PLCE1: variants seen among roughly 807,000 people sequenced by gnomAD.
The protein encoded by PLCE1 is 1-phosphatidylinositol 4,5-bisphosphate phosphodiesterase epsilon-1.
Under a neutral mutation model 242.8 loss-of-function variants are expected in PLCE1, and 119 were observed. The observed-to-expected ratio is 0.49, with a 90% confidence interval of 0.42 to 0.57. The LOEUF (loss-of-function observed/expected upper bound fraction) is 0.57, where lower values mean the gene tolerates loss of function less well. Among genes scored for constraint, PLCE1 ranks in the 20% least tolerant of loss-of-function variants. The probability of loss-of-function intolerance (pLI) is 0.00; values close to 1 mark genes in which losing one functional copy is unlikely to be tolerated. For synonymous variants in PLCE1, 945 were observed against 1,017.4 expected, an observed-to-expected ratio of 0.93 and a Z score of 1.35; for missense variants, 2,441 against 2,788.8, an observed-to-expected ratio of 0.88 and a Z score of 2.81.
chr10:94,058,778 A>G (rs1394959865), intron 2 of PLCE1, among the ~76,000 whole-genome samples: 2 of 152,214 alleles, frequency 1.3e-5, no homozygotes, highest in African/African-American at 4.8e-5. Flanking sequence ...TTCTAACATT[A>G]TGGCATTCTA....
At chr10:94,068,365 C>T (rs1270687990) in intron 2 of PLCE1, among the ~76,000 whole-genome samples, 1 of 151,458 alleles carries the variant, frequency 6.6e-6, no homozygotes, top group Admixed American at 6.6e-5. Context: ...CAAGCAATCA[C>T]AAATAGAAAA....
intron 3 of PLCE1, among the ~76,000 whole-genome samples, chr10:94,141,673 GAAA>G (rs1564727686): frequency 2.3e-5 from 1 of 43,266 alleles, no homozygotes; most frequent in Admixed American, 1.9e-4. Flanking sequence ...AGGGAGGGAG[GAAA>G]GAAAGAAGGA....
chr10:94,094,400 G>T (rs1564681455), intron 2 of PLCE1, among the ~76,000 whole-genome samples: 7 of 152,226 alleles, frequency 4.6e-5, no homozygotes, highest in Admixed American at 1.3e-4. Flanking sequence ...TTTCCTAGAG[G>T]CAAAATTGCC....
intron 3 of PLCE1, among the ~76,000 whole-genome samples, chr10:94,146,444 C>T (rs933700383): frequency 1.3e-5 from 2 of 152,168 alleles, no homozygotes; most frequent in Non-Finnish European, 2.9e-5. Context: ...TGCTGCTAAA[C>T]TCCTCCCCTG....
intron 2 of PLCE1, among the ~76,000 whole-genome samples, chr10:94,060,198 G>C (rs544260711): frequency 4.2e-4 from 63 of 151,508 alleles, no homozygotes; most frequent in African/African-American, 1.5e-3. Context: ...CTAAGCTTCT[G>C]CTCTTTAAGC....
At chr10:94,253,305 G>A (rs117120276) in intron 9 of PLCE1, among the ~76,000 whole-genome samples, 3 of 152,224 alleles carry the variant, frequency 2.0e-5, no homozygotes, top group East Asian at 1.9e-4. Flanking sequence ...GGGAGCCAGC[G>A]CATGACATGG....
chr10:94,228,455 G>A (rs1302652993), intron 5 of PLCE1, among the ~76,000 whole-genome samples: 3 of 152,102 alleles, frequency 2.0e-5, no homozygotes, highest in Non-Finnish European at 4.4e-5. Flanking sequence ...ACATCTTTAG[G>A]TAGAATTCAG....
At chr10:94,291,590 G>T (rs1199301287) in intron 22 of PLCE1, among the ~76,000 whole-genome samples, 1 of 151,990 alleles carries the variant, frequency 6.6e-6, no homozygotes, top group Non-Finnish European at 1.5e-5. Context: ...TGTAAAAGGG[G>T]TGTAACAGTC....
At chr10:94,309,493 G>T (rs1167312385) in intron 27 of PLCE1, among the ~76,000 whole-genome samples, 1 of 152,134 alleles carries the variant, frequency 6.6e-6, no homozygotes, top group East Asian at 2.0e-4. Flanking sequence ...ACTATGCCCA[G>T]ATAATGTTTT....
intron 19 of PLCE1, among the ~76,000 whole-genome samples, chr10:94,275,797 T>C (rs1400340942): frequency 6.6e-6 from 1 of 151,574 alleles, no homozygotes; most frequent in African/African-American, 2.4e-5. Flanking sequence ...GTTGTGCCAC[T>C]GCATACCAGT....
intron 2 of PLCE1, among the ~76,000 whole-genome samples, chr10:94,101,513 C>A (rs1013304482): frequency 1.3e-5 from 2 of 152,072 alleles, no homozygotes; most frequent in Non-Finnish European, 2.9e-5. Context: ...GAGTTACCAA[C>A]AAACAAGAAA....
chr10:94,189,565 G>GA (rs1454880800), intron 4 of PLCE1, among the ~76,000 whole-genome samples: 1 of 152,154 alleles, frequency 6.6e-6, no homozygotes, highest in Non-Finnish European at 1.5e-5. Context: ...GATCATGCAT[G>GA]ATGGACTGAA....
intron 3 of PLCE1, among the ~76,000 whole-genome samples, chr10:94,150,911 A>C (rs2047254496): frequency 6.6e-6 from 1 of 152,180 alleles, no homozygotes. Context: ...AGCTGGCAGC[A>C]GTCTAGTGGG....
At chr10:94,076,241 T>C (rs527645179) in intron 2 of PLCE1, among the ~76,000 whole-genome samples, 31 of 152,128 alleles carry the variant, frequency 2.0e-4, no homozygotes, top group Admixed American at 7.2e-4. Context: ...GATATCCTTA[T>C]TAGAGAGAAG....
chr10:94,054,249 G>C (rs750464755), intron 2 of PLCE1, among the ~76,000 whole-genome samples: 1 of 152,184 alleles, frequency 6.6e-6, no homozygotes, highest in Non-Finnish European at 1.5e-5. Context: ...AGACTGGTTA[G>C]CTATTTAACC....
In PLCE1 at chr10:94,290,699, G is replaced by GTA. The variant is rs139733748; in HGVS notation, c.5036-2796_5036-2795dup. 2.5e-3 allele frequency among the ~76,000 whole-genome samples: 380 copies of GTA among 149,734 alleles called. 1 individual carries two copies. The highest frequency in any genetic ancestry group is 8.4e-3 in the African/African-American group (343 of 40,878). On this transcript the variant is annotated intron_variant, in intron 22 of 32. Transcript: ENST00000371380. ...ATATATATATGTAACTTAAAAAAAA[G>GTA]TATATATATATATACACACACACAT...
At chr10:94,313,194 A>G in intron 27 of PLCE1, 60 bp from the exon 28 acceptor site, 1 of 1,601,330 alleles carries the variant, frequency 6.2e-7, no homozygotes, top group Non-Finnish European at 8.5e-7. Flanking sequence ...CTCTGTATCA[A>G]ATAGAGCTTA....
chr10:94,261,794 A>C (rs1025566623), intron 13 of PLCE1, among the ~76,000 whole-genome samples: 2 of 152,178 alleles, frequency 1.3e-5, no homozygotes, highest in African/African-American at 2.4e-5. Context: ...TATTCACATA[A>C]AAATCTGTAA....
chr10:94,196,363 C>T lies in PLCE1; in HGVS notation c.1809+24867C>T, dbSNP rs181351577. On this transcript the variant is annotated intron_variant, in intron 4 of 32. Coordinates refer to ENST00000371380, the MANE Select transcript of PLCE1 (RefSeq NM_016341.4). ...ATAATGATTTCTTGTCTGATCCACC[C>T]TCAGCCTGGTTGTCACAGCTGGGTA... 2.0e-4 allele frequency among the ~76,000 whole-genome samples: 30 copies of T among 152,290 alleles called. No homozygotes were observed. The East Asian group carries it at 5.6e-3, about 28-fold the overall frequency.
Sources: allele counts gnomAD v4.1 joint callset (sites outside exome capture counted in the v4.1 genomes callset), GRCh38; gene constraint gnomAD v4.1.1; transcripts MANE v1.5; gene names NCBI Gene and HGNC (gene_info 2026-07-23, HGNC 2026-07-21).